OTUD7B: variants seen among roughly 807,000 people sequenced by gnomAD.
OTUD7B encodes the protein OTU deubiquitinase 7B.
A neutral mutation model predicts 82.2 loss-of-function variants in OTUD7B; 34 were observed. The observed-to-expected ratio is 0.41, with a 90% CI of 0.31 to 0.55. The LOEUF (loss-of-function observed/expected upper bound fraction) is 0.55. OTUD7B is among the 20% of genes least tolerant of loss of function. The pLI is 0.20. For missense variants in OTUD7B, 944 were observed against 1,062.1 expected, an observed-to-expected ratio of 0.89 and a Z score of 1.55; for synonymous variants, 398 against 402.7, an observed-to-expected ratio of 0.99 and a Z score of 0.14.
rs1357971703 is a variant in OTUD7B, at chr1:149,941,713, TC to T, written c.*2143del. The T allele has an allele frequency of 6.6e-6, 1 of 152,228 alleles. No homozygotes were observed. Among genetic ancestry groups the T allele is most frequent in the Non-Finnish European group, 1.5e-5 (1 of 68,040 alleles). The allele number at this position is 152,228 out of a possible 1,614,324, so 9.4% of individuals were successfully genotyped here. On this transcript the variant is annotated 3_prime_UTR_variant, in exon 12 of 12. Transcript: ENST00000581312. ...CTCACTTCCCTCCTCCTAATCTCAGTCCTGTCAGATCCTGTAAGATTTCGCT... is the reference window on the plus strand; with the variant it reads ...CTCACTTCCCTCCTCCTAATCTCAGTCTGTCAGATCCTGTAAGATTTCGCT...
chr1:149,999,208 T>C (rs2101922298), intron 1 of OTUD7B, among the ~76,000 whole-genome samples: 1 of 152,328 alleles, frequency 6.6e-6, no homozygotes, highest in East Asian at 1.9e-4. Context: ...TAGTATATTA[T>C]ACAAAATTAC....
chr1:149,973,858 A>AT (rs1220689600), intron 2 of OTUD7B, among the ~76,000 whole-genome samples: 125,775 of 132,816 alleles, frequency 0.95, 59,784 homozygotes, highest in South Asian at 1. Flanking sequence ...GCCCCTTCTA[A>AT]TTTTTTTTTT....
chr1:149,986,888 A>G (rs1553780942), intron 1 of OTUD7B, among the ~76,000 whole-genome samples: 1 of 152,186 alleles, frequency 6.6e-6, no homozygotes, highest in African/African-American at 2.4e-5. Flanking sequence ...ACCTTCTTAG[A>G]AAATATGACC....
rs587602930 is a variant in OTUD7B at position 150,010,493 on chromosome 1, G to C, written c.-112C>G. The C allele has an allele frequency of 1.3e-5, 2 of 152,650 alleles. No homozygotes were observed. The highest frequency in any genetic ancestry group is 2.1e-4 in the South Asian group (1 of 4,836). 9.5% of individuals were successfully genotyped at this position (152,650 alleles called of 1,614,324 possible). On this transcript the variant is annotated 5_prime_UTR_variant, in exon 1 of 12. Coordinates refer to ENST00000581312, the MANE Select transcript of OTUD7B (RefSeq NM_020205.4). ...AGGCCCTAGGCCGGGGCGGAGCGCGGGGCCCGGCCGCCTCTCTTCATTCCT... is the reference window on the plus strand; with the variant it reads ...AGGCCCTAGGCCGGGGCGGAGCGCGCGGCCCGGCCGCCTCTCTTCATTCCT...
intron 1 of OTUD7B, among the ~76,000 whole-genome samples, chr1:149,991,191 A>G (rs1651547710): frequency 6.6e-6 from 1 of 151,960 alleles, no homozygotes; most frequent in Non-Finnish European, 1.5e-5. Flanking sequence ...TATTCACTAC[A>G]TTGTCTCCTA....
intron 1 of OTUD7B, among the ~76,000 whole-genome samples, chr1:149,988,518 T>C (rs1227223250): frequency 1.3e-5 from 2 of 152,228 alleles, no homozygotes; most frequent in Non-Finnish European, 2.9e-5. Context: ...TCTTCAGTGC[T>C]ACTGATAAAG....
intron 4 of OTUD7B, 72 bp downstream of exon 4, chr1:149,967,222 C>T (rs1392112807): frequency 2.8e-6 from 3 of 1,076,348 alleles, no homozygotes; most frequent in East Asian, 2.4e-5. Context: ...GCGATCAAGT[C>T]CAGCCCCTCC....
intron 1 of OTUD7B, among the ~76,000 whole-genome samples, chr1:149,991,463 C>G (rs887577406): frequency 9.2e-5 from 14 of 152,190 alleles, no homozygotes; most frequent in Non-Finnish European, 1.0e-4. Context: ...ATATATACTT[C>G]ATTTATATAA....
Position 149,971,262 on chromosome 1 carries a change from A to G in OTUD7B, c.86-11T>C, listed in dbSNP as rs1553777629. On this transcript the variant is annotated splice_polypyrimidine_tract_variant and intron_variant, in intron 2 of 11. Transcript: ENST00000581312. Reference sequence around the variant, plus strand: ...CATCCCAATTCTTTCCTGTCAGGAGACAAAGCAAAAAGCAAACTGTGCAAC... The same window carrying G: ...CATCCCAATTCTTTCCTGTCAGGAGGCAAAGCAAAAAGCAAACTGTGCAAC... 1.9e-6 allele frequency: 3 copies of G among 1,596,414 alleles called. No homozygotes were observed. The highest frequency in any genetic ancestry group is 2.2e-5 in the South Asian group (2 of 90,152).
chr1:149,949,559 T>C lies in OTUD7B; in HGVS notation c.1123+70A>G, dbSNP rs936106759. On this transcript the variant is annotated intron_variant, in intron 9 of 11. Coordinates refer to ENST00000581312, the MANE Select transcript of OTUD7B (RefSeq NM_020205.4). ...GCTTGCATGTCACTTAATTCTTTCC[T>C]CCTACATTAGATCTCATTCAATTTT... The C allele has an allele frequency of 7.6e-5, 115 of 1,504,160 alleles. No homozygotes were observed. The South Asian group carries it at 1.3e-3, about 16-fold the overall frequency. The allele number at this position is 1,504,160 out of a possible 1,614,324, so 93.2% of individuals were successfully genotyped here. A position where few individuals can be genotyped will look rare whatever the true frequency, so the allele number is the denominator to read the frequency against.
chr1:150,035,296 T>A, the OTUD7B span, among the ~76,000 whole-genome samples: 1 of 152,132 alleles, frequency 6.6e-6, no homozygotes, highest in Non-Finnish European at 1.5e-5. Flanking sequence ...AGTAATCCAA[T>A]CCAGAGCTAG....
intron 2 of OTUD7B, among the ~76,000 whole-genome samples, chr1:149,972,222 G>A (rs73010189): frequency 0.019 from 2,904 of 152,276 alleles, 78 homozygotes; most frequent in African/African-American, 0.063. Flanking sequence ...ATGAAGATTA[G>A]ATGAGTTGAA....
At chr1:149,984,031 C>T (rs943816726) in intron 1 of OTUD7B, among the ~76,000 whole-genome samples, 2 of 152,198 alleles carry the variant, frequency 1.3e-5, no homozygotes, top group African/African-American at 4.8e-5. Context: ...ATCCCACATT[C>T]TAACTTCCCT....
At chr1:150,034,474 C>T in the OTUD7B span, among the ~76,000 whole-genome samples, 2 of 152,210 alleles carry the variant, frequency 1.3e-5, no homozygotes, top group African/African-American at 4.8e-5. Context: ...CTGCTAGCTG[C>T]AGCAAGAATG....
At chr1:150,001,717 A>C (rs587702423) in intron 1 of OTUD7B, among the ~76,000 whole-genome samples, 39 of 152,326 alleles carry the variant, frequency 2.6e-4, no homozygotes, top group African/African-American at 7.9e-4. Context: ...CCACTTGAGA[A>C]AGAATTAAGA....
the OTUD7B span, among the ~76,000 whole-genome samples, chr1:150,059,157 G>A: frequency 7.7e-4 from 114 of 148,658 alleles, 2 homozygotes; most frequent in African/African-American, 2.5e-3. Flanking sequence ...AGGTTCAAGC[G>A]ATTCTTCTGC....
At position 149,990,877 on chromosome 1, in the gene OTUD7B, G is replaced by A. The variant is rs367673040; in HGVS notation, c.-66-13301C>T. Among the ~76,000 whole-genome samples, 51 of 152,148 alleles carry A rather than the reference G, an allele frequency of 3.4e-4. 1 individual carries two copies. The highest frequency in any genetic ancestry group is 1.2e-3 in the African/African-American group (48 of 41,496). On this transcript the variant is annotated intron_variant, in intron 1 of 11. Transcript: ENST00000581312. ...ATGGTGGCACATGCTTGTAATCCGA[G>A]CTACTTGGGAGGCTGAGACAGGAGA...
chr1:150,022,834 T>C, the OTUD7B span, among the ~76,000 whole-genome samples: 3 of 152,172 alleles, frequency 2.0e-5, no homozygotes, highest in East Asian at 5.8e-4. Context: ...AAAAAAGAAA[T>C]ATCTCAAAGT....
the OTUD7B span, among the ~76,000 whole-genome samples, chr1:150,048,771 T>A: frequency 1.3e-5 from 2 of 152,148 alleles, no homozygotes; most frequent in African/African-American, 4.8e-5. Flanking sequence ...GATTTCCATG[T>A]ACAAAACATA....
Sources: allele counts gnomAD v4.1 joint callset (sites outside exome capture counted in the v4.1 genomes callset), GRCh38; gene constraint gnomAD v4.1.1; transcripts MANE v1.5; gene names NCBI Gene and HGNC (gene_info 2026-07-23, HGNC 2026-07-21).